Variants in SSBP3 observed in about 807,000 individuals in gnomAD.
The protein encoded by SSBP3 is single-stranded DNA-binding protein 3.
SSBP3 carries 5 observed loss-of-function variants against 69.6 expected under a neutral mutation model. That is an observed-to-expected ratio of 0.07 (90% confidence interval 0.04 to 0.15). SSBP3 has a LOEUF of 0.15. Among genes scored for constraint, SSBP3 ranks in the 10% least tolerant of loss-of-function variants. SSBP3 has a pLI of 1.00. For synonymous variants in SSBP3, 196 were observed against 193.4 expected (o/e 1.01, Z -0.11); for missense variants, 312 against 534.0 (o/e 0.58, Z 4.10).
At chr1:54,233,383 G>A (rs1452888158) in intron 14 of SSBP3, among the ~76,000 whole-genome samples, 1 of 145,918 alleles carries the variant, frequency 6.9e-6, no homozygotes, top group Admixed American at 6.8e-5. Context: ...CCTCTGCCCG[G>A]CAGCTGCCCC....
chr1:54,229,357 C>A (rs1644342582), intron 14 of SSBP3, among the ~76,000 whole-genome samples: 1 of 152,212 alleles, frequency 6.6e-6, no homozygotes, highest in African/African-American at 2.4e-5. Flanking sequence ...TCATGCTGGC[C>A]CTCTCCCAAG....
rs148822501 is a variant in SSBP3, at chr1:54,278,441, C to T, written c.366+2997G>A. ...GCCACGGGACCAGACAGGTACTGCC[C>T]GCCTTGGAAACCTGGACGTGGAAGA... On this transcript the variant is annotated intron_variant, in intron 5 of 17. Transcript: ENST00000610401. 2.0e-4 allele frequency among the ~76,000 whole-genome samples: 31 copies of T among 152,178 alleles called. No homozygotes were observed. In the East Asian group the frequency reaches 5.6e-3, roughly 28 times the overall value.
intron 4 of SSBP3, among the ~76,000 whole-genome samples, chr1:54,327,705 TA>T (rs1646335669): frequency 6.6e-6 from 1 of 152,168 alleles, no homozygotes; most frequent in African/African-American, 2.4e-5. Context: ...GACGTTATAA[TA>T]AGAAACATTT....
intron 7 of SSBP3, among the ~76,000 whole-genome samples, chr1:54,252,774 A>G (rs1386082798): frequency 6.6e-5 from 10 of 152,114 alleles, no homozygotes. Flanking sequence ...TGCTGGGGGG[A>G]AGTTTGCTTC....
At chr1:54,238,555 A>G in intron 14 of SSBP3, 1 of 350,382 alleles carries the variant, frequency 2.9e-6, no homozygotes, top group South Asian at 2.4e-5. Flanking sequence ...GGTGCAGGGG[A>G]CACAGGAGGA....
At chr1:54,355,841 G>A (rs1646854567) in intron 4 of SSBP3, among the ~76,000 whole-genome samples, 1 of 152,172 alleles carries the variant, frequency 6.6e-6, no homozygotes, top group Non-Finnish European at 1.5e-5. Flanking sequence ...CTCCCGCTTT[G>A]TGCGAGGGGA....
chr1:54,324,073 G>T (rs1646259578), intron 4 of SSBP3, among the ~76,000 whole-genome samples: 1 of 152,210 alleles, frequency 6.6e-6, no homozygotes, highest in Non-Finnish European at 1.5e-5. Context: ...GAATTAAGGA[G>T]CCCAGAGGTT....
At chr1:54,238,809 A>G (rs1390571998) in intron 14 of SSBP3, 2 of 382,564 alleles carry the variant, frequency 5.2e-6, no homozygotes, top group Non-Finnish European at 5.1e-6. Context: ...TTTGCTGGGC[A>G]GAGACCAGGC....
chr1:54,308,029 T>C (rs985379120), intron 4 of SSBP3, among the ~76,000 whole-genome samples: 1 of 152,234 alleles, frequency 6.6e-6, no homozygotes, highest in African/African-American at 2.4e-5. Flanking sequence ...AAGAACCCTC[T>C]CTTGGGGTCT....
At chr1:54,340,404 G>C (rs1282710005) in intron 4 of SSBP3, among the ~76,000 whole-genome samples, 9 of 152,202 alleles carry the variant, frequency 5.9e-5, no homozygotes, top group Admixed American at 5.9e-4. Flanking sequence ...CAGGGGTTCT[G>C]CTCTCCAGAG....
chr1:54,320,995 C>G (rs1430910019), intron 4 of SSBP3, among the ~76,000 whole-genome samples: 4 of 152,166 alleles, frequency 2.6e-5, no homozygotes, highest in African/African-American at 9.7e-5. Flanking sequence ...AAGCTTGCCC[C>G]CTAGCAAGCA....
At chr1:54,321,949 G>T (rs907434459) in intron 4 of SSBP3, among the ~76,000 whole-genome samples, 4 of 152,186 alleles carry the variant, frequency 2.6e-5, no homozygotes, top group Non-Finnish European at 5.9e-5. Flanking sequence ...AAAACTGAAA[G>T]CTGGTTGGAA....
chr1:54,407,272 G>T (rs1022899872), upstream of SSBP3, among the ~76,000 whole-genome samples: 1 of 152,172 alleles, frequency 6.6e-6, no homozygotes, highest in Non-Finnish European at 1.5e-5. Context: ...CACGGGAAAG[G>T]GTGCCACTCG....
intron 4 of SSBP3, among the ~76,000 whole-genome samples, chr1:54,357,312 C>G (rs748463382): frequency 1.3e-5 from 2 of 150,640 alleles, no homozygotes; most frequent in Non-Finnish European, 3.0e-5. Context: ...CTGCTACACA[C>G]AGATCCACAC....
intron 4 of SSBP3, among the ~76,000 whole-genome samples, chr1:54,316,170 C>G (rs868372003): frequency 2.9e-4 from 43 of 150,858 alleles, no homozygotes; most frequent in Middle Eastern, 3.4e-3. Context: ...CACAGTGAAA[C>G]CCCAACTCTA....
chr1:54,275,072 C>T (rs1307702234), intron 5 of SSBP3, among the ~76,000 whole-genome samples: 1 of 152,218 alleles, frequency 6.6e-6, no homozygotes, highest in Middle Eastern at 3.2e-3. Flanking sequence ...CAGCGTGGCA[C>T]TCAGTCACTG....
rs889294078 is a variant in SSBP3, at chr1:54,234,694, G to A, written c.927+4435C>T. Among the ~76,000 whole-genome samples, 6 of 151,962 alleles carry A rather than the reference G, an allele frequency of 3.9e-5. 1 individual carries two copies. The highest frequency in any genetic ancestry group is 1.4e-4 in the African/African-American group (6 of 41,420). ...GCCCTAGGATACATTAGAACATTCT[G>A]CTCTGCTTTCTTTCCCACTGGTCTC... On this transcript the variant is annotated intron_variant, in intron 14 of 17. Coordinates refer to ENST00000610401, the Ensembl canonical transcript of SSBP3.
intron 13 of SSBP3, among the ~76,000 whole-genome samples, chr1:54,240,310 T>C (rs1032402329): frequency 6.7e-6 from 1 of 150,142 alleles, no homozygotes; most frequent in Non-Finnish European, 1.5e-5. Flanking sequence ...ATACAAAAAT[T>C]AGCCGGGCAT....
At chr1:54,260,836 G>A (rs1444711860) in intron 5 of SSBP3, among the ~76,000 whole-genome samples, 1 of 152,208 alleles carries the variant, frequency 6.6e-6, no homozygotes, top group East Asian at 1.9e-4. Flanking sequence ...GAATGATGAG[G>A]ACCAGGAATC....
Sources: allele counts gnomAD v4.1 joint callset (sites outside exome capture counted in the v4.1 genomes callset), GRCh38; gene constraint gnomAD v4.1.1; transcripts MANE v1.5; gene names NCBI Gene and HGNC (gene_info 2026-07-23, HGNC 2026-07-21).